Variants in C17orf75 observed in about 807,000 individuals in gnomAD.
The protein encoded by C17orf75 is chromosome 17 open reading frame 75.
C17orf75 carries 32 observed loss-of-function variants against 49.6 expected under a neutral mutation model. The observed-to-expected ratio is 0.65, with a 90% CI of 0.49 to 0.87. C17orf75 has a LOEUF of 0.87. Among genes scored for constraint, C17orf75 ranks in the 40% least tolerant of loss-of-function variants. The pLI, the probability that C17orf75 is intolerant of heterozygous loss-of-function variation, is 0.00. For synonymous variants in C17orf75, 158 were observed against 159.5 expected (o/e 0.99, Z 0.07); for missense variants, 428 against 473.9 (o/e 0.90, Z 0.90).
chr17:32,347,828 T>C lies in C17orf75; in HGVS notation c.-7+2114A>G, dbSNP rs1597742018. Among the ~76,000 whole-genome samples, 4 of 152,204 alleles carry C rather than the reference T, an allele frequency of 2.6e-5. No homozygotes were observed. In the South Asian group the frequency reaches 6.2e-4, roughly 24 times the overall value. ...ACATTGGTGATTACGTTTCAAGCAG[T>C]TGGGGGGATATTCAGCACATTGCAA... On this transcript the variant is annotated intron_variant, in intron 1 of 8. Coordinates refer to the C17orf75 transcript ENST00000583774.
Position 32,338,300 on chromosome 17 carries a change from T to G in C17orf75, c.399A>C (p.Lys133Asn). The change falls in exon 4 of 10, where the codon AAA (lysine) becomes AAC (asparagine). Residue 133 changes from lysine (K) to asparagine (N), a missense_variant. Transcript: ENST00000577809. The stretch of plus-strand genomic sequence containing the variant: ...CTATCGTTACTGTTTCAGGAAGCAG[T>G]TTTTCATTTTGGAAAAGGCAGTAAT... ...GCYYCLFQNE[K>N]LLPETVTIDS... The G allele has an allele frequency of 6.2e-7, 1 of 1,611,888 alleles. No individual in the cohort carries two copies. Among genetic ancestry groups the G allele is most frequent in the South Asian group, 1.1e-5 (1 of 90,336 alleles).
At chr17:32,337,826 G>A in intron 5 of C17orf75, 71 bp downstream of exon 5, 1 of 1,379,714 alleles carries the variant, frequency 7.2e-7, no homozygotes, top group Non-Finnish European at 1.0e-6. Context: ...CAAAGTGCTG[G>A]GATTACAGGC....
intron 5 of C17orf75, among the ~76,000 whole-genome samples, chr17:32,336,826 A>T (rs1298455022): frequency 6.6e-6 from 1 of 152,170 alleles, no homozygotes; most frequent in Non-Finnish European, 1.5e-5. Flanking sequence ...CAGCACTTAC[A>T]GGACTATGTT....
intron 1 of C17orf75, among the ~76,000 whole-genome samples, chr17:32,348,102 C>T (rs2041439597): frequency 6.6e-6 from 1 of 151,784 alleles, no homozygotes; most frequent in African/African-American, 2.4e-5. Flanking sequence ...ACTGCAGCCT[C>T]CGCCTCCCGG....
In C17orf75 at chr17:32,333,531, T is replaced by C. The variant is rs1167346491; in HGVS notation, c.872-11A>G. The stretch of plus-strand genomic sequence containing the variant: ...AAAACCGGTTACTTCCTATAAAACA[T>C]TTCAGAGAGACTAAATAAAATGAAA... On this transcript the variant is annotated splice_polypyrimidine_tract_variant and intron_variant, in intron 8 of 9. Coordinates refer to ENST00000577809, the MANE Select transcript of C17orf75 (RefSeq NM_022344.4). The C allele has an allele frequency of 3.2e-6, 5 of 1,578,328 alleles. No individual in the cohort carries two copies. In the Admixed American group the frequency reaches 9.1e-5, roughly 29 times the overall value.
chr17:32,341,793 A>G (rs2041381853), intron 1 of C17orf75: 1 of 1,054,294 alleles, frequency 9.5e-7, no homozygotes. Context: ...TGGTTGGGCC[A>G]GGCATACAAG....
chr17:32,336,598 TC>T (rs1307408014), intron 5 of C17orf75, among the ~76,000 whole-genome samples: 4 of 152,184 alleles, frequency 2.6e-5, no homozygotes, highest in Non-Finnish European at 2.9e-5. Context: ...TTTTTAAGAA[TC>T]TTTGATGTTT....
At position 32,338,327 on chromosome 17, in the gene C17orf75, A is replaced by C. The variant is rs765915683; in HGVS notation, c.372T>G (p.Cys124Trp). The change falls in exon 4 of 10, where the codon TGT becomes TGG. Residue 124 changes from cysteine to tryptophan, a missense_variant. Physicochemically the swap from Cys to Trp is radical, Grantham distance 215. Transcript: ENST00000577809. ...TTTCATTTTGGAAAAGGCAGTAATAACAACCAACTCGGTAACCTGGAATTC... is the reference window on the plus strand; with the variant it reads ...TTTCATTTTGGAAAAGGCAGTAATACCAACCAACTCGGTAACCTGGAATTC... Reference protein sequence around the residue: ...ELKIPGYRVGCYYCLFQNEKL... With the variant: ...ELKIPGYRVGWYYCLFQNEKL... 27 of 1,609,388 alleles carry C rather than the reference A, an allele frequency of 1.7e-5. 1 individual carries two copies. Among genetic ancestry groups the C allele is most frequent in the African/African-American group, 2.7e-5 (2 of 74,664 alleles).
chr17:32,335,647 T>A (rs1231751389), intron 5 of C17orf75, among the ~76,000 whole-genome samples: 2 of 152,184 alleles, frequency 1.3e-5, no homozygotes, highest in Non-Finnish European at 2.9e-5. Flanking sequence ...TGTACTGAAT[T>A]TATTTAAAAC....
At chr17:32,341,974 T>TGGCAGGCC in intron 1 of C17orf75, 26 bp downstream of exon 1, 1 of 1,397,582 alleles carries the variant, frequency 7.2e-7, no homozygotes, top group Non-Finnish European at 9.3e-7. Context: ...GCGGGCGGGC[T>TGGCAGGCC]GGCAGGCCGA....
chr17:32,330,675 A>G lies in C17orf75; in HGVS notation c.*1088T>C, dbSNP rs985895491. ...ACTCTAATAGGAAGAAACTGTTTGC[A>G]TTCCTTATGTTACAGTTTGCTTGTA... On this transcript the variant is annotated 3_prime_UTR_variant, in exon 10 of 10. Transcript: ENST00000577809. 1.3e-5 allele frequency: 2 copies of G among 152,212 alleles called. No homozygotes were observed. The highest frequency in any genetic ancestry group is 4.8e-5 in the African/African-American group (2 of 41,450). The allele number at this position is 152,212 out of a possible 1,614,324, so 9.4% of individuals were successfully genotyped here. A position where few individuals can be genotyped will look rare whatever the true frequency, so the allele number is the denominator to read the frequency against.
upstream of C17orf75, among the ~76,000 whole-genome samples, chr17:32,343,066 A>G (rs576328489): frequency 6.6e-6 from 1 of 152,320 alleles, no homozygotes; most frequent in South Asian, 2.1e-4. Context: ...CACTCAAACC[A>G]TAGCGCCACG....
chr17:32,342,808 C>A (rs1001578722), upstream of C17orf75, among the ~76,000 whole-genome samples: 3 of 152,134 alleles, frequency 2.0e-5, no homozygotes, highest in East Asian at 3.9e-4. Flanking sequence ...TGTGGTGGTT[C>A]ACGCCTGTAA....
At chr17:32,336,806 G>A (rs2150776091) in intron 5 of C17orf75, among the ~76,000 whole-genome samples, 1 of 152,256 alleles carries the variant, frequency 6.6e-6, no homozygotes, top group South Asian at 2.1e-4. Flanking sequence ...ACGTAGTCTT[G>A]TGAAACTTTC....
At chr17:32,334,297 G>A (rs2041304193) in intron 8 of C17orf75, among the ~76,000 whole-genome samples, 172 bp downstream of exon 8, 1 of 152,162 alleles carries the variant, frequency 6.6e-6, no homozygotes, top group South Asian at 2.1e-4. Flanking sequence ...GGCATGGCAT[G>A]ATTTCCATGT....
chr17:32,340,340 T>G (rs956483044), intron 2 of C17orf75, among the ~76,000 whole-genome samples: 1 of 152,150 alleles, frequency 6.6e-6, no homozygotes, highest in African/African-American at 2.4e-5. Context: ...AATTGATGAT[T>G]TAAAAATTTC....
rs1045961693 is a variant in C17orf75 at position 32,328,986 on chromosome 17, CTG to C, written c.*2775_*2776del. 6.6e-6 allele frequency: 1 copy of C among 151,966 alleles called. No individual in the cohort carries two copies. Among genetic ancestry groups the C allele is most frequent in the African/African-American group, 2.4e-5 (1 of 41,380 alleles). 9.4% of individuals were successfully genotyped at this position (151,966 alleles called of 1,614,324 possible). A position where few individuals can be genotyped will look rare whatever the true frequency, so the allele number is the denominator to read the frequency against. ...CAGTACATGTTTCTAGTCATGAACT[CTG>C]TGGTTTCTTCTCATGACCAAGATAT... On this transcript the variant is annotated 3_prime_UTR_variant, in exon 10 of 10. Transcript: ENST00000577809.
rs185223019 is a variant in C17orf75 at position 32,347,380 on chromosome 17, G to A, written c.-7+2562C>T. Among the ~76,000 whole-genome samples, 10 of 151,788 alleles carry A rather than the reference G, an allele frequency of 6.6e-5. No individual in the cohort carries two copies. The East Asian group carries it at 1.9e-3, about 30-fold the overall frequency. ...TACAACCTCCGCCTCCTGGGTTCAA[G>A]TGATTCTCCTGCCTCAGCCTCCAGA... is the stretch of plus-strand genomic sequence containing the variant. On this transcript the variant is annotated intron_variant, in intron 1 of 8. Coordinates refer to the C17orf75 transcript ENST00000583774.
intron 5 of C17orf75, among the ~76,000 whole-genome samples, chr17:32,335,892 T>C (rs1261223721): frequency 6.6e-6 from 1 of 152,188 alleles, no homozygotes; most frequent in Admixed American, 6.5e-5. Flanking sequence ...AGAGAATTCA[T>C]TCGTATTCAG....
Sources: allele counts gnomAD v4.1 joint callset (sites outside exome capture counted in the v4.1 genomes callset), GRCh38; gene constraint gnomAD v4.1.1; transcripts MANE v1.5; gene names NCBI Gene and HGNC (gene_info 2026-07-23, HGNC 2026-07-21).